The following ARHGAP27 variants were observed in gnomAD, a reference collection of about 807,000 sequenced individuals.
ARHGAP27 encodes rho GTPase-activating protein 27.
A neutral mutation model predicts 102.0 loss-of-function variants in ARHGAP27; 53 were observed. The ratio of observed to expected loss-of-function variants is 0.52; its 90% CI spans 0.42 to 0.65. ARHGAP27 has a LOEUF of 0.65. ARHGAP27 is among the 30% of genes least tolerant of loss of function. The pLI is 0.00. For missense variants in ARHGAP27, 1,117 were observed against 1,256.2 expected (o/e 0.89, Z 1.68); for synonymous variants, 525 against 542.8 (o/e 0.97, Z 0.46).
rs2049990959 is a variant in ARHGAP27 at position 45,430,726 on chromosome 17, C to T, written c.-18-429G>A. Among the ~76,000 whole-genome samples the T allele has an allele frequency of 6.6e-6, 1 of 152,212 alleles. No individual in the cohort carries two copies. Among genetic ancestry groups the T allele is most frequent in the African/African-American group, 2.4e-5 (1 of 41,442 alleles). On this transcript the variant is annotated intron_variant, in intron 3 of 19. Coordinates refer to ENST00000685559, the MANE Select transcript of ARHGAP27 (RefSeq NM_001282290.2). This position sits in a 1 kb window ranked among gnomAD's most constrained non-coding sequence, Gnocchi z 4.4. ...AAGAACACCCCATTTACTGCCGCTC[C>T]CCGGCTCTGTCCCGCCTGGAAGCCT...
At position 45,397,855 on chromosome 17, in the gene ARHGAP27, T is replaced by G. The variant is rs572016797; in HGVS notation, c.1842+94A>C. On this transcript the variant is annotated intron_variant, in intron 13 of 19. Transcript: ENST00000685559. The stretch of plus-strand genomic sequence containing the variant: ...TGGGGACTGCATTTGCATTACCCAC[T>G]GGTACCTTAGAGCTCCCTGAGCCTG... The G allele has an allele frequency of 3.1e-5, 35 of 1,127,290 alleles. No individual in the cohort carries two copies. In the South Asian group the frequency reaches 5.6e-4, roughly 18 times the overall value. 69.8% of individuals were successfully genotyped at this position (1,127,290 alleles called of 1,614,324 possible). A position where few individuals can be genotyped will look rare whatever the true frequency, so the allele number is the denominator to read the frequency against.
At chr17:45,410,574 A>G (rs2047801248) in intron 4 of ARHGAP27, 5 of 543,278 alleles carry the variant, frequency 9.2e-6, no homozygotes, top group Admixed American at 4.2e-5. Flanking sequence ...TCCGAGGCCC[A>G]GACATAGCCA....
chr17:45,429,148 C>T (rs2049855231), intron 4 of ARHGAP27, among the ~76,000 whole-genome samples: 1 of 152,244 alleles, frequency 6.6e-6, no homozygotes, highest in African/African-American at 2.4e-5. Flanking sequence ...GGCCCGCAAT[C>T]CCCCGTTCCG....
At position 45,395,554 on chromosome 17, in the gene ARHGAP27, CG is replaced by C; in HGVS notation, c.2571del (p.Glu858ArgfsTer9). On this transcript the variant is annotated frameshift_variant, in exon 20 of 20. Transcript: ENST00000685559. LOFTEE classifies it high-confidence loss of function. ...ATGGGCATGCTGGTCTCTTCCACCT[CG>C]GGCCGCAGCAGCGTGGGCCCGAACA... is the stretch of plus-strand genomic sequence containing the variant. The part of the protein sequence containing the change: ...AIVFGPTLLR[P>X]EVEETSMPMT... The C allele has an allele frequency of 6.2e-7, 1 of 1,603,944 alleles. No individual in the cohort carries two copies. Among genetic ancestry groups the C allele is most frequent in the Non-Finnish European group, 8.5e-7 (1 of 1,175,550 alleles).
chr17:45,429,363 G>T, intron 4 of ARHGAP27: 1 of 1,283,510 alleles, frequency 7.8e-7, no homozygotes, highest in Non-Finnish European at 1.0e-6. Flanking sequence ...CAGTTCAAGC[G>T]CAATTTTGCC....
chr17:45,432,533 G>A (rs1167489521), intron 1 of ARHGAP27, among the ~76,000 whole-genome samples, 184 bp from the exon 2 acceptor site: 1 of 152,218 alleles, frequency 6.6e-6, no homozygotes, highest in Non-Finnish European at 1.5e-5. Flanking sequence ...CAGATGGAGG[G>A]CAGCCCTTCG....
Position 45,404,052 on chromosome 17 carries a change from C to T in ARHGAP27, c.1524G>A (p.Thr508=), listed in dbSNP as rs548702954. Residue 508 remains threonine, a synonymous_variant, in exon 10 of 20, where the codon ACG becomes ACA. Transcript: ENST00000685559. ...DKAGVLHRTK[T]ADKGKRLRKK... is the part of the protein sequence containing the mutation. ...ACCGGAGCCGCTTTCCCTTGTCTGC[C>T]GTCTTGGTGCGATGGAGCACCCCTG... 1.4e-5 allele frequency: 22 copies of T among 1,614,102 alleles called. No homozygotes were observed. Among genetic ancestry groups the T allele is most frequent in the African/African-American group, 8.0e-5 (6 of 75,014 alleles).
intron 4 of ARHGAP27, among the ~76,000 whole-genome samples, chr17:45,416,455 TTC>T (rs954978962): frequency 7.2e-5 from 11 of 151,890 alleles, no homozygotes; most frequent in South Asian, 6.2e-4. Flanking sequence ...TTTTTCTCTT[TTC>T]TCTCTCTCTC....
At chr17:45,395,714 C>T (rs1182121200) in intron 19 of ARHGAP27, 30 bp downstream of exon 19, 2 of 1,572,498 alleles carry the variant, frequency 1.3e-6, no homozygotes, top group African/African-American at 2.7e-5. Flanking sequence ...GGACCTGCCT[C>T]CCCCTTCCCG....
At chr17:45,419,538 A>G (rs879419075) in intron 4 of ARHGAP27, among the ~76,000 whole-genome samples, 1,949 of 100,776 alleles carry the variant, frequency 0.019, 37 homozygotes, top group Non-Finnish European at 0.027. Flanking sequence ...ATATATATAT[A>G]TATATATATA....
chr17:45,413,624 A>G (rs1295714280), intron 4 of ARHGAP27, among the ~76,000 whole-genome samples: 3 of 150,736 alleles, frequency 2.0e-5, no homozygotes, highest in African/African-American at 7.3e-5. Context: ...TCGGGTTTCG[A>G]TTGGGTGCCC....
chr17:45,429,454 C>A (rs765625396), intron 4 of ARHGAP27, 169 bp downstream of exon 4: 1 of 1,458,230 alleles, frequency 6.9e-7, no homozygotes, highest in Non-Finnish European at 9.0e-7. Flanking sequence ...TGCGGGCGTG[C>A]ACCCCTCACG....
intron 4 of ARHGAP27, among the ~76,000 whole-genome samples, chr17:45,419,311 G>A (rs1332512415): frequency 6.6e-6 from 1 of 151,930 alleles, no homozygotes; most frequent in Admixed American, 6.6e-5. Context: ...AAAGATTTAA[G>A]TTTTTAAAAA....
At position 45,395,678 on chromosome 17, in the gene ARHGAP27, C is replaced by T. The variant is rs183541217; in HGVS notation, c.2493-45G>A. ...GTTCAGGGCTCCGAACTGCGAACTG[C>T]GGGGAGGCGCTGGGGGCTTCAGCCG... On this transcript the variant is annotated intron_variant, in intron 19 of 19. Transcript: ENST00000685559. 3.6e-4 allele frequency: 558 copies of T among 1,568,398 alleles called. 2 individuals carry two copies. In the African/African-American group the frequency reaches 6.8e-3, roughly 19 times the overall value.
At chr17:45,396,139 G>A in intron 17 of ARHGAP27, 22 bp from the exon 18 acceptor site, 1 of 1,602,430 alleles carries the variant, frequency 6.2e-7, no homozygotes, top group Non-Finnish European at 8.5e-7. Flanking sequence ...GAAGGGAGGA[G>A]GACGGAAGGG....
At chr17:45,411,226 T>C (rs931319860) in intron 4 of ARHGAP27, among the ~76,000 whole-genome samples, 2 of 151,998 alleles carry the variant, frequency 1.3e-5, no homozygotes, top group Non-Finnish European at 2.9e-5. Context: ...AGTGGACACA[T>C]GCCCTGAGTA....
In ARHGAP27 at chr17:45,404,095, G is replaced by A. The variant is rs2046816889; in HGVS notation, c.1481C>T (p.Thr494Ile). ...EVSPATAAVRTKTLDKAGVLH... is the reference protein window; with the variant it reads ...EVSPATAAVRIKTLDKAGVLH... ...CACCCCTGCCTTGTCCAAGGTCTTG[G>A]TCTAAGAGAGAGAAGAGAGAGCAGG... The change falls in exon 10 of 20, where the codon ACC (threonine) becomes ATC (isoleucine). Residue 494 changes from threonine to isoleucine, a missense_variant and splice_region_variant. Physicochemically the swap from Thr to Ile is moderately conservative, Grantham distance 89 (BLOSUM62 -1). This residue lies in a region of ARHGAP27 where 610 missense variants were observed against 716.4 expected (regional missense o/e 0.85). Coordinates refer to ENST00000685559, the MANE Select transcript of ARHGAP27 (RefSeq NM_001282290.2). The A allele has an allele frequency of 3.7e-6, 6 of 1,614,120 alleles. No homozygotes were observed. The highest frequency in any genetic ancestry group is 5.1e-6 in the Non-Finnish European group (6 of 1,180,026).
rs765145988 is a variant in ARHGAP27, at chr17:45,396,235, G to T, written c.2223C>A (p.Ile741=). The T allele has an allele frequency of 1.2e-6, 2 of 1,613,618 alleles. No individual in the cohort carries two copies. The highest frequency in any genetic ancestry group is 1.1e-5 in the South Asian group (1 of 91,036). The change falls in exon 17 of 20, where the codon ATC becomes ATA. Residue 741 remains isoleucine, a synonymous_variant. Transcript: ENST00000685559. ...GGTCCACCTTATAGCGTAGCTTCTG[G>T]ATGGTGGCCAGGTTTCCACTGATGC... ...LYRISGNLAT[I]QKLRYKVDHD...
At position 45,405,059 on chromosome 17, in the gene ARHGAP27, G is replaced by A. The variant is rs201966499; in HGVS notation, c.1113C>T (p.Pro371=). 1.2e-6 allele frequency: 2 copies of A among 1,609,348 alleles called. No individual in the cohort carries two copies. Among genetic ancestry groups the A allele is most frequent in the Admixed American group, 3.4e-5 (2 of 59,666 alleles). The part of the protein sequence containing the change: ...TDYPESLTSY[P]EEDYSPVGSF... ...AGCCCACGGGAGAATAGTCCTCCTC[G>A]GGGTAACTGGTCAGCGACTCGGGGT... Residue 371 remains proline (P), a synonymous_variant, in exon 6 of 20, where the codon CCC becomes CCT. Coordinates refer to ENST00000685559, the MANE Select transcript of ARHGAP27 (RefSeq NM_001282290.2).
Sources: allele counts gnomAD v4.1 joint callset (sites outside exome capture counted in the v4.1 genomes callset), GRCh38; gene constraint gnomAD v4.1.1; regional missense constraint gnomAD v4.1.1; non-coding constraint Gnocchi (gnomAD v3.1); transcripts MANE v1.5; gene names NCBI Gene and HGNC (gene_info 2026-07-23, HGNC 2026-07-21).